Variants in PTGS2 observed in about 807,000 individuals in gnomAD.
The protein encoded by PTGS2 is prostaglandin G/H synthase 2.
A neutral mutation model predicts 63.8 loss-of-function variants in PTGS2; 14 were observed. That is an observed-to-expected ratio of 0.22 (90% CI 0.14 to 0.34). The LOEUF is 0.34. Among genes scored for constraint, PTGS2 ranks in the 10% least tolerant of loss-of-function variants. The pLI, the probability that PTGS2 is intolerant of heterozygous loss-of-function variation, is 1.00. For missense variants in PTGS2, 533 were observed against 738.5 expected (o/e 0.72, Z 3.23); for synonymous variants, 271 against 259.5 (o/e 1.04, Z -0.43).
Position 186,673,736 on chromosome 1 carries a change from T to C in PTGS2, c.*617A>G, listed in dbSNP as rs1426337078. On this transcript the variant is annotated 3_prime_UTR_variant, in exon 10 of 10. Coordinates refer to ENST00000367468, the MANE Select transcript of PTGS2 (RefSeq NM_000963.4). ...TCCAAGACAGCTTCTTTTTGGTATA[T>C]GTACAAGTTTAATAACTTTAAGAAA... 1 of 152,232 alleles carries C rather than the reference T, an allele frequency of 6.6e-6. No homozygotes were observed. The highest frequency in any genetic ancestry group is 1.5e-5 in the Non-Finnish European group (1 of 68,020). The allele number at this position is 152,232 out of a possible 1,614,324, so 9.4% of individuals were successfully genotyped here.
intron 9 of PTGS2, among the ~76,000 whole-genome samples, chr1:186,675,002 C>T (rs552736366): frequency 3.2e-4 from 49 of 152,302 alleles, no homozygotes; most frequent in Non-Finnish European, 4.4e-4. Flanking sequence ...CACGGTGAAA[C>T]CCCGTCTATA....
In PTGS2 at chr1:186,679,112, C is replaced by T. The variant is rs772180278; in HGVS notation, c.259G>A (p.Val87Ile). 1.9e-6 allele frequency: 3 copies of T among 1,614,150 alleles called. No individual in the cohort carries two copies. The highest frequency in any genetic ancestry group is 2.7e-5 in the African/African-American group (2 of 75,046). ...ILTHFKGFWN[V>I]VNNIPFLRNA... ...CGAAGGAAGGGAATGTTATTCACAA[C>T]GTTCCAAAATCCCTTGAAGTGGGTA... The change falls in exon 3 of 10, where the codon GTT becomes ATT. Residue 87 changes from valine to isoleucine, a missense_variant. Coordinates refer to ENST00000367468, the MANE Select transcript of PTGS2 (RefSeq NM_000963.4).
chr1:186,680,306 G>T lies in PTGS2; in HGVS notation c.-16C>A. 1 of 1,535,480 alleles carries T rather than the reference G, an allele frequency of 6.5e-7. No individual in the cohort carries two copies. ...GGGCGAGCATCGCAGCGGCGGGCAG[G>T]GCGCGGCGCGGGGGTAGGCTTTGCT... On this transcript the variant is annotated 5_prime_UTR_variant, in exon 1 of 10. Transcript: ENST00000367468.
At chr1:186,677,348 T>G (rs4648274) in intron 5 of PTGS2, among the ~76,000 whole-genome samples, 6,111 of 152,218 alleles carry the variant, frequency 0.04, 393 homozygotes, top group African/African-American at 0.14. Flanking sequence ...GGACATAACA[T>G]TTTGCAGTAC....
chr1:186,675,689 G>T (rs540792116), intron 8 of PTGS2: 6 of 615,080 alleles, frequency 9.8e-6, no homozygotes, highest in East Asian at 8.8e-5. Flanking sequence ...TTAAGGTAGG[G>T]GTACAATTTG....
chr1:186,679,222 G>A, intron 2 of PTGS2, 21 bp from the exon 3 acceptor site: 1 of 1,612,930 alleles, frequency 6.2e-7, no homozygotes, highest in South Asian at 1.1e-5. Context: ...ACGAAGAAAG[G>A]GAGGGAGAAA....
chr1:186,678,213 C>T (rs201605778), intron 4 of PTGS2, 48 bp downstream of exon 4: 5 of 1,488,002 alleles, frequency 3.4e-6, no homozygotes, highest in Admixed American at 4.9e-5. Context: ...GGCAGCAATG[C>T]AGCCCGTCTT....
At position 186,680,301 on chromosome 1, in the gene PTGS2, G is replaced by T. The variant is rs966621294; in HGVS notation, c.-11C>A. ...GGCGCGGGCGAGCATCGCAGCGGCG[G>T]GCAGGGCGCGGCGCGGGGGTAGGCT... is the stretch of plus-strand genomic sequence containing the variant. On this transcript the variant is annotated 5_prime_UTR_variant, in exon 1 of 10. Coordinates refer to ENST00000367468, the MANE Select transcript of PTGS2 (RefSeq NM_000963.4). The T allele has an allele frequency of 3.3e-6, 5 of 1,537,254 alleles. No individual in the cohort carries two copies. Among genetic ancestry groups the T allele is most frequent in the Non-Finnish European group, 4.4e-6 (5 of 1,140,604 alleles).
In PTGS2 at chr1:186,676,138, A is replaced by G. The variant is rs1380002584; in HGVS notation, c.1017T>C (p.Ser339=). The change falls in exon 8 of 10, where the codon AGT becomes AGC. Residue 339 remains serine, a synonymous_variant. Coordinates refer to ENST00000367468, the MANE Select transcript of PTGS2 (RefSeq NM_000963.4). ...CAAATTTCAGTTTGAAGTGATAGCC[A>G]CTCAAGTGTTGCACATAATCTTCAA... ...IVIEDYVQHL[S]GYHFKLKFDP... is the part of the protein sequence containing the mutation. The G allele has an allele frequency of 6.2e-7, 1 of 1,613,864 alleles. No homozygotes were observed. Among genetic ancestry groups the G allele is most frequent in the Non-Finnish European group, 8.5e-7 (1 of 1,179,880 alleles).
At chr1:186,675,847 T>A (rs748888891) in intron 8 of PTGS2, 51 bp downstream of exon 8, 1 of 1,503,572 alleles carries the variant, frequency 6.7e-7, no homozygotes, top group South Asian at 1.3e-5. Flanking sequence ...TGGCAGAAAT[T>A]CTAAAGTTAC....
rs985486279 is a variant in PTGS2 at position 186,671,990 on chromosome 1, T to A, written c.*2363A>T. 6.6e-6 allele frequency: 1 copy of A among 151,986 alleles called. No individual in the cohort carries two copies. The highest frequency in any genetic ancestry group is 1.5e-5 in the Non-Finnish European group (1 of 67,932). 9.4% of individuals were successfully genotyped at this position (151,986 alleles called of 1,614,324 possible). ...AATGTTAATAACAAATCAAGTTTTTTTTTTAAAAAAAACAGTGAACAGTGT... is the reference window on the plus strand; with the variant it reads ...AATGTTAATAACAAATCAAGTTTTTATTTTAAAAAAAACAGTGAACAGTGT... On this transcript the variant is annotated 3_prime_UTR_variant, in exon 10 of 10. Coordinates refer to ENST00000367468, the MANE Select transcript of PTGS2 (RefSeq NM_000963.4).
In PTGS2 at chr1:186,678,135, A is replaced by T. The variant is rs4648267; in HGVS notation, c.457+126T>A. On this transcript the variant is annotated intron_variant, in intron 4 of 9. Coordinates refer to ENST00000367468, the MANE Select transcript of PTGS2 (RefSeq NM_000963.4). The stretch of plus-strand genomic sequence containing the variant: ...ATACTTTAAAAAATACCCATAGATA[A>T]CCATGCTAAAAGTAAAAACTGCTTT... The T allele has an allele frequency of 1.0e-3, 1,024 of 993,932 alleles. 11 individuals carry two copies. In the East Asian group the frequency reaches 0.011, roughly 10 times the overall value. The allele number at this position is 993,932 out of a possible 1,614,324, so 61.6% of individuals were successfully genotyped here. A position where few individuals can be genotyped will look rare whatever the true frequency, so the allele number is the denominator to read the frequency against.
chr1:186,674,380 T>C lies in PTGS2; in HGVS notation c.1788A>G (p.Leu596=), dbSNP rs542686634. Residue 596 remains leucine (L), a synonymous_variant, in exon 10 of 10, where the codon CTA becomes CTG. Coordinates refer to ENST00000367468, the MANE Select transcript of PTGS2 (RefSeq NM_000963.4). The part of the protein sequence containing the change: ...SGLDDINPTV[L]LKERSTEL The stretch of plus-strand genomic sequence containing the variant: ...ACAGTTCAGTCGAACGTTCTTTTAG[T>C]AGTACTGTGGGATTGATATCATCTA... The C allele has an allele frequency of 6.2e-7, 1 of 1,613,122 alleles. No homozygotes were observed. The highest frequency in any genetic ancestry group is 1.1e-5 in the South Asian group (1 of 90,988).
At chr1:186,676,224 C>T (rs567846251) in intron 7 of PTGS2, 40 bp from the exon 8 acceptor site, 5 of 1,526,276 alleles carry the variant, frequency 3.3e-6, no homozygotes, top group African/African-American at 2.8e-5. Flanking sequence ...TTTATTGCAT[C>T]TGATCACAAG....
At position 186,680,391 on chromosome 1, in the gene PTGS2, C is replaced by T; in HGVS notation, c.-101G>A. The T allele has an allele frequency of 1.3e-6, 1 of 795,224 alleles. No individual in the cohort carries two copies. Among genetic ancestry groups the T allele is most frequent in the Non-Finnish European group, 1.9e-6 (1 of 516,288 alleles). The allele number at this position is 795,224 out of a possible 1,614,324, so 49.3% of individuals were successfully genotyped here. A position where few individuals can be genotyped will look rare whatever the true frequency, so the allele number is the denominator to read the frequency against. Reference sequence around the variant, plus strand: ...CGCTGCTGAGGAGTTCCTGGACGTGCTCCTGACGCTCACTGCAAGTCGTAT... The same window carrying T: ...CGCTGCTGAGGAGTTCCTGGACGTGTTCCTGACGCTCACTGCAAGTCGTAT... On this transcript the variant is annotated 5_prime_UTR_variant, in exon 1 of 10. Transcript: ENST00000367468.
intron 3 of PTGS2, 42 bp downstream of exon 3, chr1:186,679,016 C>T (rs774163033): frequency 2.5e-6 from 4 of 1,582,018 alleles, no homozygotes; most frequent in Non-Finnish European, 3.4e-6. Context: ...GCATATTTTT[C>T]TTTGAGAAGG....
intron 5 of PTGS2, 145 bp from the exon 6 acceptor site, chr1:186,677,061 G>T (rs980434072): frequency 2.2e-5 from 14 of 626,044 alleles, no homozygotes; most frequent in South Asian, 4.6e-5. Flanking sequence ...TCATAGCCAT[G>T]AATTGCTAAA....
Position 186,672,348 on chromosome 1 carries a change from T to G in PTGS2, c.*2005A>C, listed in dbSNP as rs2102003246. On this transcript the variant is annotated 3_prime_UTR_variant, in exon 10 of 10. Transcript: ENST00000367468. ...TAATGAGACAATATTCTTTGTGGGC[T>G]AGCACATAGGCCTATCCTAAGGACA... 6.6e-6 allele frequency: 1 copy of G among 152,290 alleles called. No individual in the cohort carries two copies. The highest frequency in any genetic ancestry group is 1.5e-5 in the Non-Finnish European group (1 of 67,978). The allele number at this position is 152,290 out of a possible 1,614,324, so 9.4% of individuals were successfully genotyped here.
rs529982029 is a variant in PTGS2, at chr1:186,678,935, T to C, written c.313+123A>G. 9.5e-6 allele frequency: 12 copies of C among 1,264,314 alleles called. No homozygotes were observed. The Admixed American group carries it at 2.6e-4, about 27-fold the overall frequency. The allele number at this position is 1,264,314 out of a possible 1,614,324, so 78.3% of individuals were successfully genotyped here. On this transcript the variant is annotated intron_variant, in intron 3 of 9. Transcript: ENST00000367468. ...TGGCGATTAAGATGGAAGGCAAACT[T>C]AAAAGCTATCTTAAAGTCTTTTTGA...
Sources: allele counts gnomAD v4.1 joint callset (sites outside exome capture counted in the v4.1 genomes callset), GRCh38; gene constraint gnomAD v4.1.1; transcripts MANE v1.5; gene names NCBI Gene and HGNC (gene_info 2026-07-23, HGNC 2026-07-21).